The following FHIT variants were observed in gnomAD, a reference collection of about 807,000 sequenced individuals.
FHIT encodes the protein bis(5'-adenosyl)-triphosphatase.
FHIT carries 19 observed loss-of-function variants against 17.9 expected under a neutral mutation model. That is an observed-to-expected ratio of 1.06 (90% confidence interval 0.74 to 1.56). The LOEUF is 1.56. Among genes scored for constraint, FHIT ranks in the 40% most tolerant of loss-of-function variants. The probability of loss-of-function intolerance (pLI) is 0.00; values close to 1 mark genes in which losing one functional copy is unlikely to be tolerated. For missense variants in FHIT, 248 were observed against 189.2 expected, an observed-to-expected ratio of 1.31 and a Z score of -1.82; for synonymous variants, 81 against 69.7, an observed-to-expected ratio of 1.16 and a Z score of -0.81.
chr3:60,213,384 G>T (rs1475132676), intron 5 of FHIT, among the ~76,000 whole-genome samples: 1 of 152,080 alleles, frequency 6.6e-6, no homozygotes, highest in Non-Finnish European at 1.5e-5. Context: ...AGATTTCACC[G>T]AAGCAATCTT....
intron 2 of FHIT, among the ~76,000 whole-genome samples, chr3:61,060,147 C>G (rs1024712340): frequency 3.3e-5 from 5 of 152,118 alleles, no homozygotes; most frequent in Admixed American, 3.3e-4. Context: ...GTTTTTATTA[C>G]TCTTTCTTAA....
At chr3:61,019,265 A>G (rs1359823883) in intron 3 of FHIT, among the ~76,000 whole-genome samples, 2 of 152,234 alleles carry the variant, frequency 1.3e-5, no homozygotes, top group Admixed American at 6.5e-5. Context: ...CAAAGAGTTG[A>G]GATTGGTTAT....
Position 60,955,633 on chromosome 3 carries a change from T to TATATATATATACAC in FHIT, c.-111+86413_-111+86414insGTGTATATATATAT, listed in dbSNP as rs1272864632. On this transcript the variant is annotated intron_variant, in intron 3 of 9. Transcript: ENST00000492590. Reference sequence around the variant, plus strand: ...ATATATATATATATATATATATATATACACACACACACATATATACATGTG... The same window carrying TATATATATATACAC: ...ATATATATATATATATATATATATATATATATATATACACACACACACACACATATATACATGTG... Among the ~76,000 whole-genome samples, 215 of 39,212 alleles carry TATATATATATACAC rather than the reference T, an allele frequency of 5.5e-3. 3 individuals are homozygous for TATATATATATACAC. The highest frequency in any genetic ancestry group is 6.2e-3 in the Non-Finnish European group (105 of 17,042). 25.7% of individuals were successfully genotyped at this position (39,212 alleles called of 152,430 possible). A position where few individuals can be genotyped will look rare whatever the true frequency, so the allele number is the denominator to read the frequency against.
intron 5 of FHIT, among the ~76,000 whole-genome samples, chr3:60,502,320 C>A (rs2034556539): frequency 6.6e-6 from 1 of 152,082 alleles, no homozygotes; most frequent in Non-Finnish European, 1.5e-5. Flanking sequence ...AGAGGAAGAC[C>A]TGGGCCACCA....
At chr3:59,966,232 G>A (rs956158997) in intron 7 of FHIT, among the ~76,000 whole-genome samples, 1 of 152,112 alleles carries the variant, frequency 6.6e-6, no homozygotes, top group African/African-American at 2.4e-5. Context: ...ACCCAAGAGA[G>A]AAAGCACCTC....
intron 1 of FHIT, among the ~76,000 whole-genome samples, chr3:61,213,167 A>C (rs1363585139): frequency 2.0e-5 from 3 of 152,228 alleles, no homozygotes; most frequent in Admixed American, 1.3e-4. Flanking sequence ...ATTAACTTTA[A>C]ATGTAAATGG....
At chr3:60,537,835 C>G (rs1175955641) in intron 4 of FHIT, among the ~76,000 whole-genome samples, 1 of 152,102 alleles carries the variant, frequency 6.6e-6, no homozygotes, top group Non-Finnish European at 1.5e-5. Context: ...GAAACACCAT[C>G]CCTAGAAAAC....
chr3:60,877,890 G>C (rs1172379786), intron 3 of FHIT, among the ~76,000 whole-genome samples: 1 of 152,082 alleles, frequency 6.6e-6, no homozygotes, highest in African/African-American at 2.4e-5. Context: ...CCCATGCTCA[G>C]TCATTCTAGG....
intron 4 of FHIT, among the ~76,000 whole-genome samples, chr3:60,757,726 G>A (rs536581104): frequency 3.3e-5 from 5 of 152,282 alleles, no homozygotes; most frequent in African/African-American, 7.2e-5. Flanking sequence ...ACTAGAGTGC[G>A]TTTGGAATTA....
chr3:60,545,539 C>T (rs1414669964), intron 4 of FHIT, among the ~76,000 whole-genome samples: 3 of 152,162 alleles, frequency 2.0e-5, no homozygotes, highest in African/African-American at 7.2e-5. Context: ...CTATCTCTCA[C>T]CTACTGTGCT....
chr3:60,902,036 G>T (rs1236217368), intron 3 of FHIT, among the ~76,000 whole-genome samples: 1 of 152,052 alleles, frequency 6.6e-6, no homozygotes, highest in Non-Finnish European at 1.5e-5. Flanking sequence ...TTTAAAAATA[G>T]TAAAATTTAC....
chr3:59,930,427 T>C (rs1448204053), intron 7 of FHIT, among the ~76,000 whole-genome samples: 5 of 152,168 alleles, frequency 3.3e-5, no homozygotes, highest in Non-Finnish European at 7.4e-5. Flanking sequence ...CTCCTTTTCA[T>C]GGGTGAGATA....
rs112368142 is a variant in FHIT, at chr3:60,325,607, A to T, written c.103+211253T>A. On this transcript the variant is annotated intron_variant, in intron 5 of 9. Coordinates refer to ENST00000492590, the MANE Select transcript of FHIT (RefSeq NM_002012.4). ...CTAAAAATACATTCATTACATTTTT[A>T]ATCTAACAGGTTTTAGTGAATAAAA... 8.1e-3 allele frequency among the ~76,000 whole-genome samples: 1,233 copies of T among 152,380 alleles called. 15 individuals are homozygous for T. The highest frequency in any genetic ancestry group is 0.028 in the African/African-American group (1,151 of 41,586).
chr3:59,852,271 T>C (rs1248194781), intron 8 of FHIT, among the ~76,000 whole-genome samples: 1 of 152,144 alleles, frequency 6.6e-6, no homozygotes, highest in Non-Finnish European at 1.5e-5. Context: ...AACAGTAATA[T>C]TACCCCCATC....
At chr3:60,297,610 A>C (rs557454803) in intron 5 of FHIT, among the ~76,000 whole-genome samples, 1 of 152,134 alleles carries the variant, frequency 6.6e-6, no homozygotes, top group Non-Finnish European at 1.5e-5. Context: ...TTCCTTTCTA[A>C]TCTGTATGTC....
At chr3:60,559,622 A>C (rs2036860999) in intron 4 of FHIT, among the ~76,000 whole-genome samples, 1 of 152,128 alleles carries the variant, frequency 6.6e-6, no homozygotes, top group South Asian at 2.1e-4. Context: ...GCCCCACAAG[A>C]GGTCTCTCAC....
chr3:60,955,671 C>G (rs1709118994), intron 3 of FHIT, among the ~76,000 whole-genome samples: 1 of 118,682 alleles, frequency 8.4e-6, no homozygotes, highest in Non-Finnish European at 1.8e-5. Flanking sequence ...AAATTTATTT[C>G]AAAATGATAA....
intron 4 of FHIT, among the ~76,000 whole-genome samples, chr3:60,576,657 C>A (rs191702499): frequency 6.1e-4 from 92 of 151,976 alleles, no homozygotes; most frequent in Middle Eastern, 3.4e-3. Flanking sequence ...CAGAACAGAC[C>A]GTGAAAATGT....
chr3:59,967,869 T>G (rs1202630719), intron 7 of FHIT, among the ~76,000 whole-genome samples: 1 of 151,352 alleles, frequency 6.6e-6, no homozygotes, highest in African/African-American at 2.4e-5. Flanking sequence ...GAAGAAAGTC[T>G]AAGAAACATA....
Sources: gnomAD v4.1 joint callset for allele counts (sites outside exome capture counted in the v4.1 genomes callset) on GRCh38, gnomAD v4.1.1 for gene constraint, MANE v1.5 for transcripts, NCBI Gene and HGNC (gene_info 2026-07-23, HGNC 2026-07-21) for gene names.